KHDRBS2: variants seen among roughly 807,000 people sequenced by gnomAD.
The protein encoded by KHDRBS2 is KH RNA binding domain containing, signal transduction associated 2.
A neutral mutation model predicts 44.3 loss-of-function variants in KHDRBS2; 26 were observed. The observed-to-expected ratio is 0.59, with a 90% confidence interval of 0.43 to 0.81. The LOEUF (loss-of-function observed/expected upper bound fraction) is 0.81. Among genes scored for constraint, KHDRBS2 ranks in the 40% least tolerant of loss-of-function variants. KHDRBS2 has a pLI of 0.00. For missense variants in KHDRBS2, 476 were observed against 433.1 expected, an observed-to-expected ratio of 1.10 and a Z score of -0.88; for synonymous variants, 194 against 151.1, an observed-to-expected ratio of 1.28 and a Z score of -2.08.
At chr6:61,715,246 T>C (rs532441317) in intron 7 of KHDRBS2, among the ~76,000 whole-genome samples, 86 of 152,036 alleles carry the variant, frequency 5.7e-4, no homozygotes, top group African/African-American at 2.0e-3. Flanking sequence ...ATGGAGAATT[T>C]ATTGAGCTCA....
At chr6:61,877,504 C>G (rs1368785238) in intron 6 of KHDRBS2, among the ~76,000 whole-genome samples, 1 of 149,400 alleles carries the variant, frequency 6.7e-6, no homozygotes, top group Non-Finnish European at 1.5e-5. Context: ...TCCTTTAACT[C>G]TAAGTTTATA....
intron 6 of KHDRBS2, among the ~76,000 whole-genome samples, chr6:61,841,849 A>G (rs1484181205): frequency 6.6e-6 from 1 of 152,130 alleles, no homozygotes; most frequent in Non-Finnish European, 1.5e-5. Context: ...AATTTTTTTC[A>G]GTAGCTACCA....
chr6:61,728,511 T>C (rs1437960995), intron 7 of KHDRBS2, among the ~76,000 whole-genome samples: 1 of 152,126 alleles, frequency 6.6e-6, no homozygotes, highest in African/African-American at 2.4e-5. Context: ...TTTAGAGTTA[T>C]GAAAAACTGA....
chr6:61,767,259 T>G (rs1193748250), intron 6 of KHDRBS2, among the ~76,000 whole-genome samples: 1 of 152,106 alleles, frequency 6.6e-6, no homozygotes, highest in East Asian at 1.9e-4. Flanking sequence ...CATTTAGCTA[T>G]TAGTATAGCT....
At chr6:61,708,928 C>T (rs1194743450) in intron 7 of KHDRBS2, among the ~76,000 whole-genome samples, 1 of 151,498 alleles carries the variant, frequency 6.6e-6, no homozygotes, top group Non-Finnish European at 1.5e-5. Context: ...TATACAGAAT[C>T]CAAAAACAGT....
chr6:61,740,699 A>C (rs1665898013), intron 6 of KHDRBS2, among the ~76,000 whole-genome samples: 1 of 151,884 alleles, frequency 6.6e-6, no homozygotes, highest in Non-Finnish European at 1.5e-5. Flanking sequence ...TTTTCACTGA[A>C]CTGTTGATAT....
At position 61,967,951 on chromosome 6, in the gene KHDRBS2, TATATATAC is replaced by T. The variant is rs751374230; in HGVS notation, c.483+10107_483+10114del. On this transcript the variant is annotated intron_variant, in intron 4 of 8. Coordinates refer to ENST00000281156, the MANE Select transcript of KHDRBS2 (RefSeq NM_152688.4). ...ACACACGTATATATATATATATATA[TATATATAC>T]ACACACACACACATGCACACACACA... Among the ~76,000 whole-genome samples the T allele has an allele frequency of 5.0e-3, 599 of 119,898 alleles. 3 individuals carry two copies. Among genetic ancestry groups the T allele is most frequent in the African/African-American group, 0.015 (494 of 31,878 alleles). The allele number at this position is 119,898 out of a possible 152,430, so 78.7% of individuals were successfully genotyped here.
At chr6:61,885,558 C>A (rs191127758) in intron 6 of KHDRBS2, among the ~76,000 whole-genome samples, 23 of 152,232 alleles carry the variant, frequency 1.5e-4, no homozygotes, top group Non-Finnish European at 2.9e-4. Flanking sequence ...TAGGAGTATT[C>A]CTGGAAATAT....
chr6:61,722,988 C>A (rs947175797), intron 7 of KHDRBS2, among the ~76,000 whole-genome samples: 3 of 152,076 alleles, frequency 2.0e-5, no homozygotes, highest in Non-Finnish European at 4.4e-5. Context: ...GAATTACAGG[C>A]ATGAGCTGCG....
intron 2 of KHDRBS2, among the ~76,000 whole-genome samples, chr6:62,065,793 A>T (rs932101612): frequency 6.6e-6 from 1 of 151,256 alleles, no homozygotes; most frequent in African/African-American, 2.4e-5. Context: ...AAAAAAAAAA[A>T]GAATGATCCA....
chr6:61,947,415 C>G (rs1370009780), intron 4 of KHDRBS2, among the ~76,000 whole-genome samples: 1 of 152,052 alleles, frequency 6.6e-6, no homozygotes, highest in Non-Finnish European at 1.5e-5. Context: ...ACAGTATCAA[C>G]AAATATTAAA....
intron 2 of KHDRBS2, among the ~76,000 whole-genome samples, chr6:62,174,751 G>T (rs145236382): frequency 6.6e-6 from 1 of 151,766 alleles, no homozygotes; most frequent in Non-Finnish European, 1.5e-5. Flanking sequence ...TTGTCAAGGG[G>T]AGAAATGGTT....
chr6:61,928,737 T>C (rs536953442), intron 4 of KHDRBS2, among the ~76,000 whole-genome samples: 1 of 152,208 alleles, frequency 6.6e-6, no homozygotes, highest in Middle Eastern at 3.4e-3. Context: ...ATAGGACATA[T>C]ATGTTTTCTT....
chr6:61,848,521 A>ATATATATACATATATATATATATG (rs1794866519), intron 6 of KHDRBS2, among the ~76,000 whole-genome samples: 1 of 50,136 alleles, frequency 2.0e-5, no homozygotes, highest in Non-Finnish European at 3.3e-5. Flanking sequence ...GTATATATGT[A>ATATATATACATATATATATATATG]TATATATATA....
At chr6:62,139,422 G>A (rs1418724542) in intron 2 of KHDRBS2, among the ~76,000 whole-genome samples, 1 of 151,758 alleles carries the variant, frequency 6.6e-6, no homozygotes. Flanking sequence ...GCGTGGTGGC[G>A]GGCACCTGTA....
At chr6:62,002,198 A>G (rs983528186) in intron 3 of KHDRBS2, among the ~76,000 whole-genome samples, 1 of 151,946 alleles carries the variant, frequency 6.6e-6, no homozygotes, top group Non-Finnish European at 1.5e-5. Flanking sequence ...TAAAAAAAAA[A>G]ATTCCACCAA....
chr6:61,826,441 A>G (rs967181352), intron 6 of KHDRBS2, among the ~76,000 whole-genome samples: 3 of 152,062 alleles, frequency 2.0e-5, no homozygotes, highest in African/African-American at 7.2e-5. Flanking sequence ...CCAGTCTCTC[A>G]TGGTGGCTGC....
At chr6:62,199,395 G>A (rs1463967662) in intron 1 of KHDRBS2, among the ~76,000 whole-genome samples, 5 of 152,070 alleles carry the variant, frequency 3.3e-5, no homozygotes, top group South Asian at 2.1e-4. Flanking sequence ...CAAAGTCTCA[G>A]GATACAAAAT....
intron 6 of KHDRBS2, among the ~76,000 whole-genome samples, chr6:61,821,632 G>T (rs1439242307): frequency 1.3e-5 from 2 of 151,980 alleles, no homozygotes; most frequent in East Asian, 1.9e-4. Context: ...CTACGCATCT[G>T]CAGGTTGCTA....
Sources: gnomAD v4.1 joint callset for allele counts (sites outside exome capture counted in the v4.1 genomes callset) on GRCh38, gnomAD v4.1.1 for gene constraint, MANE v1.5 for transcripts, NCBI Gene and HGNC (gene_info 2026-07-23, HGNC 2026-07-21) for gene names.